The following SPC25 variants were observed in gnomAD, a reference collection of about 807,000 sequenced individuals.
The protein encoded by SPC25 is kinetochore protein Spc25.
Under a neutral mutation model 29.6 loss-of-function variants are expected in SPC25, and 22 were observed. The observed-to-expected ratio is 0.74, with a 90% CI of 0.53 to 1.06. The LOEUF (loss-of-function observed/expected upper bound fraction) is 1.06. Ranked by LOEUF, SPC25 falls within the 50% of genes least tolerant of loss-of-function variation. The pLI is 0.00. For missense variants in SPC25, 230 were observed against 255.8 expected (o/e 0.90, Z 0.69); for synonymous variants, 91 against 90.4 (o/e 1.01, Z -0.04).
rs772707846 is a variant in SPC25, at chr2:168,877,241, C to T, written c.343G>A (p.Glu115Lys). Residue 115 changes from glutamate (E) to lysine (K), a missense_variant, in exon 4 of 7, where the codon GAA becomes AAA. Glu to Lys is a moderately conservative substitution (Grantham distance 56). Coordinates refer to ENST00000282074, the MANE Select transcript of SPC25 (RefSeq NM_020675.4). The stretch of plus-strand genomic sequence containing the variant: ...ATGTTTATAAGAGGAAACTTACTTT[C>T]CTTCTTCCTAGAATATTCTTCCTTA... ...DLKEEYSRKK[E>K]TISTANKANA... The T allele has an allele frequency of 1.2e-6, 2 of 1,612,588 alleles. No homozygotes were observed. Among genetic ancestry groups the T allele is most frequent in the African/African-American group, 1.3e-5 (1 of 74,798 alleles).
At chr2:168,886,523 T>TG (rs1315517485) in intron 3 of SPC25, among the ~76,000 whole-genome samples, 1 of 147,454 alleles carries the variant, frequency 6.8e-6, no homozygotes, top group African/African-American at 2.6e-5. Context: ...TAAACTGATT[T>TG]CTTTTTTTTT....
intron 4 of SPC25, chr2:168,863,720 T>C (rs1327049166): frequency 2.9e-5 from 26 of 908,314 alleles, no homozygotes; most frequent in Admixed American, 6.2e-5. Flanking sequence ...TGCAGAGACA[T>C]TGTCTTGATC....
At position 168,863,182 on chromosome 2, in the gene SPC25, C is replaced by T. The variant is rs563690010; in HGVS notation, n.419+10403G>A. On this transcript the variant is annotated intron_variant and non_coding_transcript_variant, in intron 4 of 4. Transcript: ENST00000479309. ...CTAAGCAGTTTCTTTAAATGAAACA[C>T]GACGTTGGAGCCTTAGGGAAGCTGG... is the stretch of plus-strand genomic sequence containing the variant. Among the ~76,000 whole-genome samples, 11 of 152,182 alleles carry T rather than the reference C, an allele frequency of 7.2e-5. No homozygotes were observed. The East Asian group carries it at 1.2e-3, about 16-fold the overall frequency.
Position 168,889,430 on chromosome 2 carries a change from C to T in SPC25, c.90G>A (p.Ala30=), listed in dbSNP as rs201517369. 2.1e-5 allele frequency: 34 copies of T among 1,614,120 alleles called. No individual in the cohort carries two copies. The highest frequency in any genetic ancestry group is 2.6e-5 in the Non-Finnish European group (31 of 1,180,028). Reference sequence around the variant, plus strand: ...AATCCTTGTAGGTATCTCTTAGTCCCGCCATCTGACAGGAGGTGTCCGTAC... The same window carrying T: ...AATCCTTGTAGGTATCTCTTAGTCCTGCCATCTGACAGGAGGTGTCCGTAC... ...FKSTDTSCQM[A]GLRDTYKDSI... is the part of the protein sequence containing the mutation. The change falls in exon 2 of 7, where the codon GCG becomes GCA. Residue 30 remains alanine (A), a synonymous_variant. Transcript: ENST00000282074.
intron 4 of SPC25, chr2:168,865,056 C>A (rs749923661): frequency 6.9e-7 from 1 of 1,443,608 alleles, no homozygotes; most frequent in South Asian, 1.3e-5. Context: ...CTTACCTTTA[C>A]ATGTTTTTCT....
At chr2:168,890,172 AC>A in intron 1 of SPC25, 145 bp downstream of exon 1, 1 of 268,080 alleles carries the variant, frequency 3.7e-6, no homozygotes, top group Non-Finnish European at 5.7e-6. Flanking sequence ...GCAGCTGCCC[AC>A]CCCACCAGGC....
rs1689981544 is a variant in SPC25 at position 168,871,432 on chromosome 2, T to C, written c.674A>G (p.Ter225=). 1 of 1,599,966 alleles carries C rather than the reference T, an allele frequency of 6.3e-7. No homozygotes were observed. The highest frequency in any genetic ancestry group is 1.3e-5 in the African/African-American group (1 of 74,080). The part of the protein sequence containing the change: ...RKAFTATVYN[*] ...GTTTTTATATACACTATTTGTATGT[T>C]AATTATAAACCGTGGCAGTAAAAGC... The change falls in exon 7 of 7, where the codon TAA becomes TGA. Residue 225 remains the stop codon, a stop_retained_variant. Transcript: ENST00000282074.
intron 5 of SPC25, 32 bp downstream of exon 5, chr2:168,876,040 C>A: frequency 8.1e-7 from 1 of 1,229,444 alleles, no homozygotes; most frequent in South Asian, 1.9e-5. Context: ...CTTTTGTAAT[C>A]TCCTATATTT....
chr2:168,864,761 AAAACTCTT>A, intron 4 of SPC25: 1 of 1,560,882 alleles, frequency 6.4e-7, no homozygotes, highest in Non-Finnish European at 8.7e-7. Context: ...GAACCTCCTT[AAAACTCTT>A]ATCAATCGGG....
intron 4 of SPC25, among the ~76,000 whole-genome samples, chr2:168,864,370 TCTGCCTCCCGGGTTCAAGGATTCTC>T (rs1689712818): frequency 1.3e-5 from 2 of 150,642 alleles, no homozygotes; most frequent in Non-Finnish European, 2.9e-5. Context: ...CACTGCAACC[TCTGCCTCCCGGGTTCAAGGATTCTC>T]CTGCCTCAGC....
intron 5 of SPC25, among the ~76,000 whole-genome samples, chr2:168,875,358 A>G (rs1574360117): frequency 6.6e-6 from 1 of 152,316 alleles, no homozygotes; most frequent in East Asian, 1.9e-4. Context: ...AAGTCAAAAA[A>G]TTGTAAGTTG....
intron 4 of SPC25, among the ~76,000 whole-genome samples, chr2:168,863,002 ATTAC>A (rs148036767): frequency 0.019 from 2,552 of 131,448 alleles, 68 homozygotes; most frequent in African/African-American, 0.07. Context: ...TCTCCAGGCA[ATTAC>A]TTTTCTTCCT....
intron 3 of SPC25, among the ~76,000 whole-genome samples, chr2:168,888,427 C>A (rs997387075): frequency 6.6e-6 from 1 of 152,076 alleles, no homozygotes; most frequent in Non-Finnish European, 1.5e-5. Flanking sequence ...TGGTTGCAGG[C>A]GCCTGTAGTC....
At chr2:168,888,317 A>C (rs539225539) in intron 3 of SPC25, among the ~76,000 whole-genome samples, 8 of 152,104 alleles carry the variant, frequency 5.3e-5, no homozygotes, top group African/African-American at 1.7e-4. Flanking sequence ...GCACTTTGGG[A>C]GGCTGAGGCA....
At chr2:168,876,928 T>G (rs1690097311) in intron 4 of SPC25, among the ~76,000 whole-genome samples, 1 of 152,158 alleles carries the variant, frequency 6.6e-6, no homozygotes, top group African/African-American at 2.4e-5. Flanking sequence ...TAAAGTACAC[T>G]ATGGCTTGTC....
At chr2:168,866,075 C>T (rs1374306545), downstream of SPC25, among the ~76,000 whole-genome samples, 9 of 152,388 alleles carry the variant, frequency 5.9e-5, no homozygotes, top group African/African-American at 2.2e-4. Flanking sequence ...TCAATGCCAT[C>T]CCCATCAAGC....
downstream of SPC25, among the ~76,000 whole-genome samples, chr2:168,866,600 T>C (rs1310837811): frequency 1.3e-5 from 2 of 151,718 alleles, no homozygotes; most frequent in Non-Finnish European, 2.9e-5. Flanking sequence ...CCAAAAGCAA[T>C]GGCAACAAAA....
intron 5 of SPC25, among the ~76,000 whole-genome samples, chr2:168,875,439 G>T (rs1334782470): frequency 2.0e-5 from 3 of 152,102 alleles, no homozygotes; most frequent in Non-Finnish European, 4.4e-5. Flanking sequence ...TAAAGTTTAT[G>T]TTGTAAATTA....
At chr2:168,877,110 G>T in intron 4 of SPC25, 128 bp downstream of exon 4, 2 of 914,188 alleles carry the variant, frequency 2.2e-6, no homozygotes, top group Non-Finnish European at 3.2e-6. Flanking sequence ...GAGATGAGTG[G>T]CTGGTTATGC....
Sources: allele counts gnomAD v4.1 joint callset (sites outside exome capture counted in the v4.1 genomes callset), GRCh38; gene constraint gnomAD v4.1.1; transcripts MANE v1.5; gene names NCBI Gene and HGNC (gene_info 2026-07-23, HGNC 2026-07-21).